LRRC8C: variants seen among roughly 807,000 people sequenced by gnomAD.
LRRC8C encodes the protein leucine rich repeat containing 8 VRAC subunit C, also known as volume-regulated anion channel subunit LRRC8C.
A neutral mutation model predicts 55.3 loss-of-function variants in LRRC8C; 20 were observed. The ratio of observed to expected loss-of-function variants is 0.36; its 90% CI spans 0.25 to 0.53. The LOEUF (loss-of-function observed/expected upper bound fraction) is 0.53. LRRC8C is among the 20% of genes least tolerant of loss of function. The pLI, the probability that LRRC8C is intolerant of heterozygous loss-of-function variation, is 0.92. For missense variants in LRRC8C, 659 were observed against 951.4 expected, an observed-to-expected ratio of 0.69 and a Z score of 4.04; for synonymous variants, 376 against 360.7, an observed-to-expected ratio of 1.04 and a Z score of -0.48.
intron 1 of LRRC8C, among the ~76,000 whole-genome samples, chr1:89,655,617 T>G (rs1250780477): frequency 6.6e-6 from 1 of 152,176 alleles, no homozygotes; most frequent in Admixed American, 6.5e-5. Flanking sequence ...AGGGCCTTCT[T>G]GTAACATTAT....
At chr1:89,641,989 G>T (rs112690695) in intron 1 of LRRC8C, among the ~76,000 whole-genome samples, 2 of 152,134 alleles carry the variant, frequency 1.3e-5, no homozygotes, top group Non-Finnish European at 2.9e-5. Flanking sequence ...AACCAGTAAG[G>T]CCAATGAGTT....
At chr1:89,661,777 AGGCAGGGCAGGAGGAAAGGGAGTGCTAT>A (rs796494823) in intron 1 of LRRC8C, among the ~76,000 whole-genome samples, 38 of 152,352 alleles carry the variant, frequency 2.5e-4, no homozygotes, top group African/African-American at 9.1e-4. Flanking sequence ...GAGAAAAATA[AGGCAGGGCAGGAGGAAAGGGAGTGCTAT>A]GGCTGAGATA....
the LRRC8C span, chr1:89,626,312 T>C: frequency 6.6e-6 from 1 of 152,222 alleles, no homozygotes; most frequent in African/African-American, 2.4e-5. Context: ...ATGTGTGGGT[T>C]TCTCCTCACA....
intron 1 of LRRC8C, among the ~76,000 whole-genome samples, chr1:89,673,178 T>G (rs1195992962): frequency 2.6e-5 from 4 of 152,216 alleles, no homozygotes; most frequent in Non-Finnish European, 5.9e-5. Context: ...TTTTTTATTT[T>G]TTAGCATTTG....
At chr1:89,697,441 T>C (rs1409679304) in intron 2 of LRRC8C, among the ~76,000 whole-genome samples, 1 of 152,174 alleles carries the variant, frequency 6.6e-6, no homozygotes, top group Non-Finnish European at 1.5e-5. Context: ...ACTGCAGGGT[T>C]TCTAGAGCTA....
chr1:89,653,393 G>A (rs1045636097), intron 1 of LRRC8C, among the ~76,000 whole-genome samples: 1 of 152,136 alleles, frequency 6.6e-6, no homozygotes, highest in African/African-American at 2.4e-5. Context: ...CTGGCAATCA[G>A]TCTGTTCACT....
rs1377640177 is a variant in LRRC8C, at chr1:89,714,793, A to G, written c.2223A>G (p.Leu741=). The change falls in exon 3 of 3, where the codon CTA becomes CTG. Residue 741 remains leucine, a synonymous_variant. Coordinates refer to ENST00000370454, the MANE Select transcript of LRRC8C (RefSeq NM_032270.5). The surrounding 1 kb of genome is among the most constrained non-coding windows in gnomAD (Gnocchi z 4.6). ...CTCTGAAGATTGGAAAAAACAGCCT[A>G]TCTGTACTTTCACCGAAAATTGGAA... ...LKTLKIGKNS[L]SVLSPKIGNL... 3.7e-6 allele frequency: 6 copies of G among 1,613,936 alleles called. No individual in the cohort carries two copies. The highest frequency in any genetic ancestry group is 5.1e-6 in the Non-Finnish European group (6 of 1,180,016).
chr1:89,712,814 C>T lies in LRRC8C; in HGVS notation c.244C>T (p.Pro82Ser). The change falls in exon 3 of 3, where the codon CCT becomes TCT. Residue 82 changes from proline to serine, a missense_variant. Transcript: ENST00000370454. The stretch of plus-strand genomic sequence containing the variant: ...AGCAGTTGCCAGTACCACTCCACTG[C>T]CTCCACCTAAACCATCTCCTGCTAA... Reference protein sequence around the residue: ...SQAVASTTPLPPPKPSPANPI... With the variant: ...SQAVASTTPLSPPKPSPANPI... The T allele has an allele frequency of 6.2e-7, 1 of 1,614,156 alleles. No homozygotes were observed. Among genetic ancestry groups the T allele is most frequent in the Non-Finnish European group, 8.5e-7 (1 of 1,180,006 alleles).
chr1:89,619,096 G>C, the LRRC8C span, among the ~76,000 whole-genome samples: 3 of 152,206 alleles, frequency 2.0e-5, no homozygotes, highest in Non-Finnish European at 4.4e-5. Flanking sequence ...TAACACTGGT[G>C]TGTTAAAACT....
chr1:89,648,334 A>T (rs1656668742), intron 1 of LRRC8C, among the ~76,000 whole-genome samples: 1 of 152,208 alleles, frequency 6.6e-6, no homozygotes, highest in Non-Finnish European at 1.5e-5. Context: ...ACAACATCCC[A>T]TGATTTAACA....
At chr1:89,682,447 T>G (rs1343568986) in intron 1 of LRRC8C, among the ~76,000 whole-genome samples, 2 of 152,164 alleles carry the variant, frequency 1.3e-5, no homozygotes, top group African/African-American at 4.8e-5. Context: ...AAAGGAAGAC[T>G]TAGATAAAGG....
intron 1 of LRRC8C, among the ~76,000 whole-genome samples, chr1:89,637,536 C>G (rs529050699): frequency 7.2e-5 from 11 of 151,808 alleles, no homozygotes; most frequent in African/African-American, 2.7e-4. Flanking sequence ...AACTATAATA[C>G]CTTATGACTG....
chr1:89,642,966 C>T lies in LRRC8C; in HGVS notation c.-5+9644C>T, dbSNP rs540878101. On this transcript the variant is annotated intron_variant, in intron 1 of 2. Transcript: ENST00000370454. ...CTTGGAGGTGGAGGTTGCAGTGAGC[C>T]GAGATCACGCCACTGCACTCTAACC... Among the ~76,000 whole-genome samples the T allele has an allele frequency of 7.7e-5, 11 of 143,160 alleles. No individual in the cohort carries two copies. In the South Asian group the frequency reaches 2.0e-3, roughly 25 times the overall value. The allele number at this position is 143,160 out of a possible 152,430, so 93.9% of individuals were successfully genotyped here. A position where few individuals can be genotyped will look rare whatever the true frequency, so the allele number is the denominator to read the frequency against.
chr1:89,684,117 G>A (rs1570722526), intron 1 of LRRC8C, among the ~76,000 whole-genome samples: 1 of 151,984 alleles, frequency 6.6e-6, no homozygotes, highest in African/African-American at 2.4e-5. Flanking sequence ...TTCACTTCTA[G>A]TATGGTAAAT....
Position 89,713,856 on chromosome 1 carries a change from C to T in LRRC8C, c.1286C>T (p.Pro429Leu). ...AATGCCCATAATCGACTGGAATTGC[C>T]TCTTATCATGCTCTCTGGCCTTCCA... Reference protein sequence around the residue: ...QTNAHNRLELPLIMLSGLPDT... With the variant: ...QTNAHNRLELLLIMLSGLPDT... Residue 429 changes from proline to leucine, a missense_variant, in exon 3 of 3, where the codon CCT (proline) becomes CTT (leucine). Transcript: ENST00000370454. This position sits in a 1 kb window ranked among gnomAD's most constrained non-coding sequence, Gnocchi z 5.2. The T allele has an allele frequency of 6.2e-7, 1 of 1,614,166 alleles. No homozygotes were observed. Among genetic ancestry groups the T allele is most frequent in the Non-Finnish European group, 8.5e-7 (1 of 1,180,022 alleles).
At chr1:89,681,836 G>A (rs1482307057) in intron 1 of LRRC8C, among the ~76,000 whole-genome samples, 1 of 152,114 alleles carries the variant, frequency 6.6e-6, no homozygotes, top group African/African-American at 2.4e-5. Context: ...TTTATATGTA[G>A]GATACATGTA....
intron 2 of LRRC8C, among the ~76,000 whole-genome samples, chr1:89,690,761 C>G (rs529901960): frequency 6.6e-6 from 1 of 152,100 alleles, no homozygotes; most frequent in Non-Finnish European, 1.5e-5. Context: ...CCCACAGTGT[C>G]TCTCTACAGT....
intron 1 of LRRC8C, among the ~76,000 whole-genome samples, chr1:89,671,158 G>A (rs1317574982): frequency 1.3e-5 from 2 of 151,968 alleles, no homozygotes; most frequent in African/African-American, 4.8e-5. Context: ...TAAACTCCTG[G>A]TCTCAAATGA....
intron 1 of LRRC8C, among the ~76,000 whole-genome samples, chr1:89,673,433 A>G (rs576868678): frequency 6.6e-6 from 1 of 152,322 alleles, no homozygotes; most frequent in Non-Finnish European, 1.5e-5. Flanking sequence ...GGAAGACCTC[A>G]TCTGGCTCCA....
Sources: gnomAD v4.1 joint callset for allele counts (sites outside exome capture counted in the v4.1 genomes callset) on GRCh38, gnomAD v4.1.1 for gene constraint, Gnocchi (gnomAD v3.1) non-coding constraint, MANE v1.5 for transcripts, NCBI Gene and HGNC (gene_info 2026-07-23, HGNC 2026-07-21) for gene names.